VWA8: variants seen among roughly 807,000 people sequenced by gnomAD.
VWA8 encodes von Willebrand factor A domain-containing protein 8.
VWA8 carries 221 observed loss-of-function variants against 241.5 expected under a neutral mutation model. The observed-to-expected ratio is 0.91, with a 90% CI of 0.82 to 1.02. VWA8 has a LOEUF of 1.02. Ranked by LOEUF, VWA8 falls within the 50% of genes least tolerant of loss-of-function variation. The pLI is 0.00. For synonymous variants in VWA8, 852 were observed against 827.1 expected (o/e 1.03, Z -0.52); for missense variants, 2,322 against 2,328.7 (o/e 1.00, Z 0.06).
At chr13:41,787,125 C>A (rs1426166763) in intron 18 of VWA8, among the ~76,000 whole-genome samples, 3 of 146,796 alleles carry the variant, frequency 2.0e-5, no homozygotes, top group African/African-American at 7.6e-5. Context: ...GGAAAAAGTA[C>A]ATTTCTCAAA....
intron 37 of VWA8, among the ~76,000 whole-genome samples, chr13:41,640,797 C>CA (rs1470834908): frequency 1.3e-5 from 2 of 151,902 alleles, no homozygotes; most frequent in Non-Finnish European, 1.5e-5. Context: ...CAATTAACAA[C>CA]AAAAAAAGCA....
chr13:41,906,098 A>C (rs1461463837), intron 4 of VWA8, among the ~76,000 whole-genome samples: 1 of 152,086 alleles, frequency 6.6e-6, no homozygotes, highest in African/African-American at 2.4e-5. Context: ...GAAAGCCATC[A>C]TTTAAGGTAG....
intron 3 of VWA8, among the ~76,000 whole-genome samples, chr13:41,908,510 C>G (rs1431609196): frequency 1.3e-5 from 2 of 151,002 alleles, no homozygotes; most frequent in Non-Finnish European, 2.9e-5. Flanking sequence ...ATCAGGTAAA[C>G]AGAAGATAAA....
At chr13:41,709,119 C>A (rs1018829234) in intron 26 of VWA8, among the ~76,000 whole-genome samples, 1 of 152,150 alleles carries the variant, frequency 6.6e-6, no homozygotes, top group Non-Finnish European at 1.5e-5. Flanking sequence ...GTATTTCTCA[C>A]AAGGACTCAC....
intron 38 of VWA8, among the ~76,000 whole-genome samples, chr13:41,613,742 TTCAG>T (rs2044604334): frequency 1.3e-5 from 2 of 152,100 alleles, no homozygotes; most frequent in Non-Finnish European, 2.9e-5. Flanking sequence ...TCCAAACCAC[TTCAG>T]AAGATAATGG....
chr13:41,782,408 G>A (rs1315215778), intron 19 of VWA8, among the ~76,000 whole-genome samples: 1 of 152,114 alleles, frequency 6.6e-6, no homozygotes, highest in Non-Finnish European at 1.5e-5. Context: ...TATGAATAGA[G>A]TGTAATACTA....
chr13:41,887,952 C>T lies in VWA8; in HGVS notation c.652-591G>A, dbSNP rs144276897. The stretch of plus-strand genomic sequence containing the variant: ...AGGAGTTATATAACTTGCCCATCGT[C>T]CTGCAACTAGCATACAGTGGAGCTT... On this transcript the variant is annotated intron_variant, in intron 5 of 44. Coordinates refer to ENST00000379310, the MANE Select transcript of VWA8 (RefSeq NM_015058.2). 3.0e-3 allele frequency among the ~76,000 whole-genome samples: 464 copies of T among 152,268 alleles called. 1 individual carries two copies. The highest frequency in any genetic ancestry group is 5.1e-3 in the Non-Finnish European group (346 of 68,026).
rs1181746571 is a variant in VWA8 at position 41,787,204 on chromosome 13, T to G, written c.2170+233A>C. Among the ~76,000 whole-genome samples the G allele has an allele frequency of 8.3e-5, 12 of 144,024 alleles. No individual in the cohort carries two copies. The East Asian group carries it at 2.4e-3, about 29-fold the overall frequency. The allele number at this position is 144,024 out of a possible 152,430, so 94.5% of individuals were successfully genotyped here. ...TAGTATCAATTGTGAGTCTTAAGGG[T>G]GAGGGGAATTGTATCTAGTATGTAC... On this transcript the variant is annotated intron_variant, in intron 18 of 44. Transcript: ENST00000379310.
At chr13:41,572,138 C>G (rs879718554) in intron 43 of VWA8, among the ~76,000 whole-genome samples, 1 of 150,814 alleles carries the variant, frequency 6.6e-6, no homozygotes, top group Non-Finnish European at 1.5e-5. Flanking sequence ...AAGTGAGGAG[C>G]CCCTCCGCCT....
At position 41,689,620 on chromosome 13, in the gene VWA8, G is replaced by T. The variant is rs143521257; in HGVS notation, c.3977-112C>A. 189 of 1,111,906 alleles carry T rather than the reference G, an allele frequency of 1.7e-4. 1 individual carries two copies. The African/African-American group carries it at 2.8e-3, about 17-fold the overall frequency. The allele number at this position is 1,111,906 out of a possible 1,614,324, so 68.9% of individuals were successfully genotyped here. On this transcript the variant is annotated intron_variant, in intron 33 of 44. Transcript: ENST00000379310. ...ATGGAAAAGAACAAGTTAAAAAAGA[G>T]AAAACATTTTAAATTACATTCATGG...
At chr13:41,606,023 C>A (rs892792382) in intron 39 of VWA8, among the ~76,000 whole-genome samples, 1 of 152,034 alleles carries the variant, frequency 6.6e-6, no homozygotes, top group Non-Finnish European at 1.5e-5. Flanking sequence ...CTTGGAGTGT[C>A]CCTCCCCTGA....
At chr13:41,902,439 G>A (rs773955473) in intron 4 of VWA8, among the ~76,000 whole-genome samples, 14 of 152,106 alleles carry the variant, frequency 9.2e-5, no homozygotes, top group African/African-American at 1.2e-4. Context: ...TCTTTCGTAT[G>A]CTTTTTAGTA....
At chr13:41,777,928 C>G (rs1372874635) in intron 20 of VWA8, 57 bp downstream of exon 20, 2 of 1,431,274 alleles carry the variant, frequency 1.4e-6, no homozygotes, top group African/African-American at 1.4e-5. Context: ...AAACTTACTG[C>G]TTTTAAATTG....
intron 15 of VWA8, among the ~76,000 whole-genome samples, chr13:41,817,041 T>G (rs1431234167): frequency 1.3e-5 from 2 of 152,190 alleles, no homozygotes; most frequent in East Asian, 3.8e-4. Context: ...ACGATAAAAC[T>G]GAAGGGAGCC....
At chr13:41,810,814 G>C (rs1367155848) in intron 17 of VWA8, among the ~76,000 whole-genome samples, 1 of 151,882 alleles carries the variant, frequency 6.6e-6, no homozygotes, top group Non-Finnish European at 1.5e-5. Context: ...TGATAGATAT[G>C]GCATTCACCC....
chr13:41,894,991 AAC>A (rs1371109038), intron 4 of VWA8, among the ~76,000 whole-genome samples: 57 of 152,248 alleles, frequency 3.7e-4, no homozygotes, highest in African/African-American at 1.3e-3. Context: ...TGTGGGAGAT[AAC>A]AGTCTTTTTT....
chr13:41,909,046 G>C (rs1053859198), intron 3 of VWA8, among the ~76,000 whole-genome samples: 1 of 141,788 alleles, frequency 7.1e-6, no homozygotes, highest in Non-Finnish European at 1.5e-5. Flanking sequence ...ACGTAAAGGA[G>C]GAAAAAAATT....
intron 1 of VWA8, among the ~76,000 whole-genome samples, 166 bp from the exon 2 acceptor site, chr13:41,950,179 T>C: frequency 6.6e-6 from 1 of 152,172 alleles, no homozygotes; most frequent in Admixed American, 6.5e-5. Flanking sequence ...CCAAAGTATA[T>C]ATGTATAAAG....
intron 12 of VWA8, among the ~76,000 whole-genome samples, chr13:41,844,733 A>G (rs1872209597): frequency 6.6e-6 from 1 of 152,068 alleles, no homozygotes; most frequent in African/African-American, 2.4e-5. Context: ...TCAACATCTA[A>G]TGTATACACC....
Sources: allele counts gnomAD v4.1 joint callset (sites outside exome capture counted in the v4.1 genomes callset), GRCh38; gene constraint gnomAD v4.1.1; transcripts MANE v1.5; gene names NCBI Gene and HGNC (gene_info 2026-07-23, HGNC 2026-07-21).